The following B3GALNT2 variants were observed in gnomAD, a reference collection of about 807,000 sequenced individuals.
The protein encoded by B3GALNT2 is beta-1,3-N-acetylgalactosaminyltransferase 2.
In B3GALNT2, 53 loss-of-function variants were observed where a neutral mutation model predicts 61.1. The observed-to-expected ratio is 0.87, with a 90% CI of 0.70 to 1.09. B3GALNT2 has a LOEUF of 1.09. Among genes scored for constraint, B3GALNT2 ranks in the 50% least tolerant of loss-of-function variants. The probability of loss-of-function intolerance (pLI) is 0.00; values close to 1 mark genes in which losing one functional copy is unlikely to be tolerated. For missense variants in B3GALNT2, 544 were observed against 623.0 expected (o/e 0.87, Z 1.35); for synonymous variants, 223 against 237.4 (o/e 0.94, Z 0.56).
In B3GALNT2 at chr1:235,458,753, C is replaced by T. The variant is rs367543076; in HGVS notation, c.875G>A (p.Arg292His). The T allele has an allele frequency of 6.2e-6, 10 of 1,600,244 alleles. No homozygotes were observed. The highest frequency in any genetic ancestry group is 4.6e-5 in the South Asian group (4 of 87,156). The stretch of plus-strand genomic sequence containing the variant: ...TATATGATCAATAAGTCTTTGAGGG[C>T]GAGAATGAAGGTTGTGTAAGAGAGC... ...GDALLHNLHS[R>H]PQRLIDHIRN... is the part of the protein sequence containing the mutation. The change falls in exon 8 of 12, where the codon CGC becomes CAC. Residue 292 changes from arginine (R) to histidine (H), a missense_variant. Physicochemically the swap from Arg to His is conservative, Grantham distance 29. Transcript: ENST00000366600.
chr1:235,486,216 C>G (rs956308431), intron 3 of B3GALNT2, among the ~76,000 whole-genome samples: 7 of 152,112 alleles, frequency 4.6e-5, no homozygotes, highest in African/African-American at 1.7e-4. Context: ...AGTGATGACT[C>G]CTACCTAATT....
chr1:235,502,254 C>G (rs1671754840), intron 1 of B3GALNT2, among the ~76,000 whole-genome samples: 2 of 152,210 alleles, frequency 1.3e-5, no homozygotes, highest in Non-Finnish European at 2.9e-5. Flanking sequence ...CTCAGGTGAT[C>G]CACCCACCAC....
At chr1:235,465,613 C>G in intron 7 of B3GALNT2, 23 bp downstream of exon 7, 1 of 1,612,638 alleles carries the variant, frequency 6.2e-7, no homozygotes, top group Non-Finnish European at 8.5e-7. Context: ...GTGTACTTTT[C>G]AAGTTTCAAC....
intron 7 of B3GALNT2, among the ~76,000 whole-genome samples, chr1:235,461,513 T>G (rs969938407): frequency 2.1e-4 from 28 of 130,238 alleles, no homozygotes; most frequent in South Asian, 1.7e-3. Context: ...TCCTGTTTTT[T>G]TTTTTTTTTT....
intron 9 of B3GALNT2, 131 bp downstream of exon 9, chr1:235,455,428 T>C: frequency 1.0e-6 from 1 of 1,003,284 alleles, no homozygotes; most frequent in Non-Finnish European, 1.4e-6. Flanking sequence ...ATGAAATATA[T>C]ATAAACCCAG....
At chr1:235,469,213 C>T (rs1358466085) in intron 6 of B3GALNT2, among the ~76,000 whole-genome samples, 3 of 152,226 alleles carry the variant, frequency 2.0e-5, no homozygotes, top group South Asian at 2.1e-4. Flanking sequence ...TGAGTAATAA[C>T]GTAGCATATA....
At chr1:235,463,157 C>A (rs1683512100) in intron 7 of B3GALNT2, among the ~76,000 whole-genome samples, 1 of 151,986 alleles carries the variant, frequency 6.6e-6, no homozygotes, top group Non-Finnish European at 1.5e-5. Flanking sequence ...TGTTCTCACT[C>A]ATAAGTGGGA....
At chr1:235,491,651 T>C (rs1685074612) in intron 2 of B3GALNT2, among the ~76,000 whole-genome samples, 1 of 152,154 alleles carries the variant, frequency 6.6e-6, no homozygotes, top group African/African-American at 2.4e-5. Context: ...CTCCATTTTC[T>C]ACATTCAATG....
chr1:235,450,236 GCACCGTTCCTTCAGTTTC>G lies in B3GALNT2; in HGVS notation c.1455_1472del (p.Trp485_Arg490del). On this transcript the variant is annotated inframe_deletion, in exon 12 of 12. Coordinates refer to ENST00000366600, the MANE Select transcript of B3GALNT2 (RefSeq NM_152490.5). ...TTGCTTGACATCGACAAGGATCACCGCACCGTTCCTTCAGTTTCCACAGTTCCGTCAGTTCCCACGGAG... is the reference window on the plus strand; with the variant it reads ...TTGCTTGACATCGACAAGGATCACCGCACAGTTCCGTCAGTTCCCACGGAG... The G allele has an allele frequency of 6.2e-7, 1 of 1,614,068 alleles. No homozygotes were observed. Among genetic ancestry groups the G allele is most frequent in the Non-Finnish European group, 8.5e-7 (1 of 1,179,998 alleles).
chr1:235,492,491 C>G (rs1685113359), intron 2 of B3GALNT2, among the ~76,000 whole-genome samples: 1 of 152,156 alleles, frequency 6.6e-6, no homozygotes, highest in Non-Finnish European at 1.5e-5. Flanking sequence ...TGAATATAAA[C>G]TATATTCATT....
chr1:235,493,693 G>A lies in B3GALNT2; in HGVS notation c.260+988C>T, dbSNP rs369948642. 7.9e-5 allele frequency among the ~76,000 whole-genome samples: 12 copies of A among 152,024 alleles called. No individual in the cohort carries two copies. In the East Asian group the frequency reaches 1.5e-3, roughly 20 times the overall value. ...CTTGGGAGGCTGAGGCAGGAGAATC[G>A]CTTGAACCCAGGAATTGGAGGTTGC... On this transcript the variant is annotated intron_variant, in intron 2 of 11. Transcript: ENST00000366600.
At chr1:235,477,024 CAAA>C (rs113918092) in intron 5 of B3GALNT2, among the ~76,000 whole-genome samples, 1 of 110,676 alleles carries the variant, frequency 9.0e-6, no homozygotes, top group Non-Finnish European at 1.9e-5. Context: ...GAGCCTGTCT[CAAA>C]AAAAAAAAAA....
chr1:235,492,615 T>C (rs1017169869), intron 2 of B3GALNT2, among the ~76,000 whole-genome samples: 5 of 152,194 alleles, frequency 3.3e-5, no homozygotes, highest in African/African-American at 1.2e-4. Flanking sequence ...CCAATGCTCA[T>C]GAAACCTACA....
chr1:235,440,818 G>C, the B3GALNT2 span: 7 of 152,238 alleles, frequency 4.6e-5, no homozygotes, highest in African/African-American at 1.7e-4. Context: ...TGGCATGCAC[G>C]GTGGTTCCTT....
intron 1 of B3GALNT2, among the ~76,000 whole-genome samples, chr1:235,500,115 T>C (rs1201216586): frequency 6.6e-6 from 1 of 152,212 alleles, no homozygotes; most frequent in Non-Finnish European, 1.5e-5. Flanking sequence ...AAGAACTATT[T>C]CTTTTCTTAA....
intron 1 of B3GALNT2, among the ~76,000 whole-genome samples, chr1:235,499,755 C>A (rs1278573844): frequency 6.6e-6 from 1 of 152,190 alleles, no homozygotes; most frequent in Non-Finnish European, 1.5e-5. Flanking sequence ...CTAATGTTAA[C>A]AGATGGAGTT....
At chr1:235,453,966 G>A (rs1358719846) in intron 10 of B3GALNT2, among the ~76,000 whole-genome samples, 190 bp downstream of exon 10, 1 of 152,034 alleles carries the variant, frequency 6.6e-6, no homozygotes, top group Non-Finnish European at 1.5e-5. Context: ...GGTGTGATGA[G>A]TGTATACGTA....
chr1:235,485,397 T>G (rs1684758544), intron 3 of B3GALNT2, among the ~76,000 whole-genome samples: 1 of 152,214 alleles, frequency 6.6e-6, no homozygotes. Context: ...TATTGCAGTC[T>G]CAACCTCCTT....
chr1:235,491,445 T>A (rs931994832), intron 2 of B3GALNT2, among the ~76,000 whole-genome samples: 2 of 152,228 alleles, frequency 1.3e-5, no homozygotes, highest in Non-Finnish European at 2.9e-5. Flanking sequence ...TATGTACATA[T>A]AAGCATCATT....
Sources: gnomAD v4.1 joint callset for allele counts (sites outside exome capture counted in the v4.1 genomes callset) on GRCh38, gnomAD v4.1.1 for gene constraint, MANE v1.5 for transcripts, NCBI Gene and HGNC (gene_info 2026-07-23, HGNC 2026-07-21) for gene names.